Variants in ARMC1 observed in about 807,000 individuals in gnomAD.
The protein encoded by ARMC1 is armadillo repeat containing 1.
ARMC1 carries 16 observed loss-of-function variants against 31.4 expected under a neutral mutation model. The observed-to-expected ratio is 0.51, with a 90% CI of 0.34 to 0.77. ARMC1 has a LOEUF of 0.77. Ranked by LOEUF, ARMC1 falls within the 30% of genes least tolerant of loss-of-function variation. ARMC1 has a pLI of 0.01. For synonymous variants in ARMC1, 114 were observed against 118.9 expected, an observed-to-expected ratio of 0.96 and a Z score of 0.27; for missense variants, 259 against 347.5, an observed-to-expected ratio of 0.75 and a Z score of 2.02.
chr8:65,616,779 G>A, intron 3 of ARMC1, among the ~76,000 whole-genome samples: 1 of 152,040 alleles, frequency 6.6e-6, no homozygotes, highest in South Asian at 2.1e-4. Flanking sequence ...CCTCTGCCCA[G>A]CCGCGACCCC....
intron 1 of ARMC1, among the ~76,000 whole-genome samples, chr8:65,632,210 G>C (rs1226852568): frequency 6.6e-6 from 1 of 152,088 alleles, no homozygotes; most frequent in Non-Finnish European, 1.5e-5. Context: ...AGGCCCAGGG[G>C]GGTGGATCTC....
intron 1 of ARMC1, among the ~76,000 whole-genome samples, chr8:65,631,738 T>C (rs981959780): frequency 6.6e-6 from 1 of 152,200 alleles, no homozygotes; most frequent in African/African-American, 2.4e-5. Flanking sequence ...TTGATAAAAA[T>C]GTCCGCCTTT....
At chr8:65,623,791 T>TTTTTTTTTTTTTTTTTTTTTTTTTTG in intron 2 of ARMC1, among the ~76,000 whole-genome samples, 1 of 118,816 alleles carries the variant, frequency 8.4e-6, no homozygotes, top group African/African-American at 3.3e-5. Flanking sequence ...AAAATCTTTT[T>TTTTTTTTTTTTTTTTTTTTTTTTTTG]TTTTTTTTTT....
intron 3 of ARMC1, among the ~76,000 whole-genome samples, chr8:65,617,319 C>T (rs1585711270): frequency 1.3e-5 from 2 of 152,266 alleles, no homozygotes; most frequent in South Asian, 4.1e-4. Context: ...TATGACCTTA[C>T]CCCCAACCTG....
chr8:65,606,651 G>A (rs73690885), intron 4 of ARMC1, among the ~76,000 whole-genome samples: 3,827 of 152,196 alleles, frequency 0.025, 156 homozygotes, highest in African/African-American at 0.086. Context: ...CTTCAATGCA[G>A]GGTACTACAT....
chr8:65,613,959 C>A (rs79925037), intron 3 of ARMC1, among the ~76,000 whole-genome samples: 386 of 139,618 alleles, frequency 2.8e-3, no homozygotes, highest in African/African-American at 3.0e-3. Flanking sequence ...GACTCCATCT[C>A]AAAAAAAAAA....
chr8:65,626,701 T>A (rs1258674156), intron 2 of ARMC1, among the ~76,000 whole-genome samples: 1 of 152,104 alleles, frequency 6.6e-6, no homozygotes, highest in Non-Finnish European at 1.5e-5. Context: ...ATTCCATGCA[T>A]GGAGTATGCA....
At chr8:65,605,564 T>C (rs780232888) in intron 4 of ARMC1, 26 bp from the exon 5 acceptor site, 5 of 1,476,308 alleles carry the variant, frequency 3.4e-6, no homozygotes, top group East Asian at 2.3e-5. Context: ...CAAATTGTTA[T>C]GAAAATAGGT....
At chr8:65,632,189 A>C (rs1174204369) in intron 1 of ARMC1, among the ~76,000 whole-genome samples, 1 of 152,152 alleles carries the variant, frequency 6.6e-6, no homozygotes, top group Non-Finnish European at 1.5e-5. Flanking sequence ...CGGTAATCCA[A>C]GCACTTTGGG....
chr8:65,612,310 G>A (rs919728456), intron 4 of ARMC1, among the ~76,000 whole-genome samples: 3 of 152,132 alleles, frequency 2.0e-5, no homozygotes, highest in Admixed American at 2.0e-4. Flanking sequence ...TTAAAAATTA[G>A]CCAGGCATGG....
intron 3 of ARMC1, among the ~76,000 whole-genome samples, chr8:65,620,213 C>T (rs902599699): frequency 6.6e-6 from 1 of 151,222 alleles, no homozygotes; most frequent in South Asian, 2.1e-4. Context: ...GTGTCACTAG[C>T]CACATGACTA....
At chr8:65,619,370 T>A (rs1585713290) in intron 3 of ARMC1, among the ~76,000 whole-genome samples, 1 of 151,490 alleles carries the variant, frequency 6.6e-6, no homozygotes, top group East Asian at 2.0e-4. Context: ...AGACTCCATC[T>A]CTACTAAAAA....
intron 1 of ARMC1, among the ~76,000 whole-genome samples, chr8:65,632,412 G>C (rs1201509756): frequency 1.3e-5 from 2 of 152,088 alleles, no homozygotes. Context: ...AGGTGATTGA[G>C]ACCATCCTGG....
At chr8:65,614,680 T>C (rs1808213417) in intron 3 of ARMC1, among the ~76,000 whole-genome samples, 1 of 152,204 alleles carries the variant, frequency 6.6e-6, no homozygotes, top group Admixed American at 6.5e-5. Flanking sequence ...ATTCTTTGGG[T>C]TGACTATGAC....
chr8:65,606,391 GT>G, intron 4 of ARMC1, among the ~76,000 whole-genome samples: 1 of 150,422 alleles, frequency 6.6e-6, no homozygotes, highest in Admixed American at 6.6e-5. Context: ...GAAAAGAAAA[GT>G]TTTATGATCC....
chr8:65,632,811 G>A (rs1808675290), intron 1 of ARMC1: 1 of 123,210 alleles, frequency 8.1e-6, no homozygotes, highest in African/African-American at 3.4e-5. Flanking sequence ...GAGCGACAGA[G>A]CGATACTCCG....
rs1808180331 is a variant in ARMC1, at chr8:65,613,250, A to G, written c.459T>C (p.Asp153=). 1.2e-6 allele frequency: 2 copies of G among 1,603,440 alleles called. No homozygotes were observed. The highest frequency in any genetic ancestry group is 2.7e-5 in the African/African-American group (2 of 74,578). ...KTVVLHIDGL[D]DTSRRNLCEE... is the part of the protein sequence containing the mutation. The stretch of plus-strand genomic sequence containing the variant: ...CCCATCTAACAGACCTTACCGTATC[A>G]TCAAGGCCATCTATATGCAAAACCA... Residue 153 remains aspartate (D), a synonymous_variant, in exon 4 of 7, where the codon GAT becomes GAC. Transcript: ENST00000276569.
intron 3 of ARMC1, among the ~76,000 whole-genome samples, chr8:65,618,248 C>A (rs533992097): frequency 6.6e-6 from 1 of 151,848 alleles, no homozygotes; most frequent in Non-Finnish European, 1.5e-5. Context: ...TAAGGCCAGG[C>A]GCAGTGGCTC....
At chr8:65,614,359 T>C (rs1015069355) in intron 3 of ARMC1, among the ~76,000 whole-genome samples, 10 of 152,234 alleles carry the variant, frequency 6.6e-5, no homozygotes, top group Non-Finnish European at 1.2e-4. Context: ...AAATGTTCTA[T>C]AGCTGCACTC....
Sources: gnomAD v4.1 joint callset for allele counts (sites outside exome capture counted in the v4.1 genomes callset) on GRCh38, gnomAD v4.1.1 for gene constraint, MANE v1.5 for transcripts, NCBI Gene and HGNC (gene_info 2026-07-23, HGNC 2026-07-21) for gene names.